The following EYA2 variants were observed in gnomAD, a reference collection of about 807,000 sequenced individuals.
EYA2 encodes the protein protein phosphatase EYA2.
EYA2 carries 31 observed loss-of-function variants against 69.2 expected under a neutral mutation model. The observed-to-expected ratio is 0.45, with a 90% CI of 0.34 to 0.60. The LOEUF (loss-of-function observed/expected upper bound fraction) is 0.60, where lower values mean the gene tolerates loss of function less well. EYA2 is among the 20% of genes least tolerant of loss of function. The pLI is 0.02. For synonymous variants in EYA2, 257 were observed against 279.4 expected, an observed-to-expected ratio of 0.92 and a Z score of 0.80; for missense variants, 622 against 701.2, an observed-to-expected ratio of 0.89 and a Z score of 1.28.
chr20:47,081,778 C>CA lies in EYA2; in HGVS notation c.662-7446dup, dbSNP rs199527518. On this transcript the variant is annotated intron_variant, in intron 7 of 15. Coordinates refer to ENST00000327619, the MANE Select transcript of EYA2 (RefSeq NM_005244.5). ...TGGGTGACAAAGCGAGACCTTGTCT[C>CA]AAAAAAAAAAAAAAAGAAGAAAGAA... Among the ~76,000 whole-genome samples, 769 of 110,096 alleles carry CA rather than the reference C, an allele frequency of 7.0e-3. 9 individuals are homozygous for CA. Among genetic ancestry groups the CA allele is most frequent in the African/African-American group, 0.019 (552 of 28,584 alleles). The allele number at this position is 110,096 out of a possible 152,430, so 72.2% of individuals were successfully genotyped here.
At chr20:47,033,341 GTC>G (rs1304816188) in intron 5 of EYA2, among the ~76,000 whole-genome samples, 1 of 152,202 alleles carries the variant, frequency 6.6e-6, no homozygotes, top group Non-Finnish European at 1.5e-5. Context: ...AGGCTATACA[GTC>G]TCTGTTGCAA....
rs143196351 is a variant in EYA2, at chr20:47,005,187, A to G, written c.298+103A>G. 2.6e-5 allele frequency: 35 copies of G among 1,349,002 alleles called. No homozygotes were observed. The African/African-American group carries it at 3.9e-4, about 15-fold the overall frequency. The allele number at this position is 1,349,002 out of a possible 1,614,324, so 83.6% of individuals were successfully genotyped here. ...AAATGTGGATTAATAGACACAACCA[A>G]GCTGATTTTGGATTAGAGATAAAGG... On this transcript the variant is annotated intron_variant, in intron 4 of 15. Coordinates refer to ENST00000327619, the MANE Select transcript of EYA2 (RefSeq NM_005244.5).
intron 10 of EYA2, among the ~76,000 whole-genome samples, chr20:47,155,703 T>G (rs1041222909): frequency 2.0e-5 from 3 of 151,764 alleles, no homozygotes; most frequent in Non-Finnish European, 2.9e-5. Context: ...ATTTTACAGA[T>G]GAGGAAACTG....
At chr20:47,151,946 G>C (rs1224248972) in intron 10 of EYA2, among the ~76,000 whole-genome samples, 1 of 151,904 alleles carries the variant, frequency 6.6e-6, no homozygotes, top group Non-Finnish European at 1.5e-5. Flanking sequence ...CTGCCTTCTG[G>C]AATTTCTAAC....
chr20:47,003,570 G>A (rs1418893014), intron 3 of EYA2, among the ~76,000 whole-genome samples: 3 of 152,228 alleles, frequency 2.0e-5, no homozygotes, highest in Admixed American at 6.5e-5. Flanking sequence ...GCATGTGTGT[G>A]TGTATCTGTG....
At chr20:47,006,569 C>G (rs1309774372) in intron 4 of EYA2, among the ~76,000 whole-genome samples, 3 of 152,228 alleles carry the variant, frequency 2.0e-5, no homozygotes, top group Admixed American at 6.5e-5. Context: ...CTGACTCTTA[C>G]ATTTCTTTCC....
chr20:46,937,873 C>G (rs903360982), intron 1 of EYA2, among the ~76,000 whole-genome samples: 14 of 152,092 alleles, frequency 9.2e-5, no homozygotes, highest in African/African-American at 3.4e-4. Context: ...TTTGCCAGGT[C>G]TGCGTGCCAG....
At chr20:47,026,457 G>A (rs548747062) in intron 5 of EYA2, among the ~76,000 whole-genome samples, 108 of 150,444 alleles carry the variant, frequency 7.2e-4, no homozygotes, top group African/African-American at 2.5e-3. Flanking sequence ...TTTTGGCACG[G>A]CAAAGAACAC....
intron 10 of EYA2, among the ~76,000 whole-genome samples, chr20:47,150,074 G>A (rs1236086985): frequency 6.6e-6 from 1 of 152,206 alleles, no homozygotes; most frequent in East Asian, 1.9e-4. Context: ...TAGTAAGAGG[G>A]AGGCAAAGAG....
chr20:46,937,685 A>G (rs1303587827), intron 1 of EYA2, among the ~76,000 whole-genome samples: 6 of 146,756 alleles, frequency 4.1e-5, no homozygotes, highest in Non-Finnish European at 6.0e-5. Flanking sequence ...TTTAAATCCA[A>G]CCTTTCAGGA....
intron 5 of EYA2, among the ~76,000 whole-genome samples, chr20:47,057,081 G>A (rs1600675524): frequency 1.7e-5 from 2 of 116,312 alleles, no homozygotes; most frequent in South Asian, 6.7e-4. Context: ...GGGAGGGAGG[G>A]AGGAAGGAAG....
intron 9 of EYA2, among the ~76,000 whole-genome samples, chr20:47,131,312 T>C (rs1313615567): frequency 1.3e-5 from 2 of 152,132 alleles, no homozygotes; most frequent in Non-Finnish European, 2.9e-5. Context: ...CTCTCAACTA[T>C]TACAACGAAC....
intron 5 of EYA2, among the ~76,000 whole-genome samples, chr20:47,016,910 A>G (rs1452802303): frequency 6.6e-6 from 1 of 152,216 alleles, no homozygotes; most frequent in Non-Finnish European, 1.5e-5. Flanking sequence ...TTTAAGTGTG[A>G]TGGGACAGGC....
intron 1 of EYA2, chr20:46,901,112 G>A (rs1026794592): frequency 5.3e-5 from 8 of 152,176 alleles, no homozygotes; most frequent in South Asian, 2.1e-4. Flanking sequence ...TCCTCAAGGC[G>A]TCCTTGTGGT....
intron 1 of EYA2, among the ~76,000 whole-genome samples, chr20:46,973,443 A>G (rs1980260872): frequency 6.6e-6 from 1 of 152,224 alleles, no homozygotes; most frequent in Non-Finnish European, 1.5e-5. Flanking sequence ...TTACAAAGGC[A>G]TGTTGAGACA....
rs1356028171 is a variant in EYA2 at position 47,063,374 on chromosome 20, TGTGTGTGTGTGCGTGTGC to T, written c.416-8799_416-8782del. On this transcript the variant is annotated intron_variant, in intron 5 of 15. Transcript: ENST00000327619. ...TGGCATAATGTTTTTTGGGTTTATT[TGTGTGTGTGTGCGTGTGC>T]GTGTGTGTGTGTGTGTGTGTGTGTG... Among the ~76,000 whole-genome samples the T allele has an allele frequency of 8.1e-3, 1,135 of 140,284 alleles. 15 individuals carry two copies. The highest frequency in any genetic ancestry group is 0.03 in the African/African-American group (1,083 of 35,966). The allele number at this position is 140,284 out of a possible 152,430, so 92.0% of individuals were successfully genotyped here. A position where few individuals can be genotyped will look rare whatever the true frequency, so the allele number is the denominator to read the frequency against.
chr20:46,986,604 A>G (rs1257535646), intron 1 of EYA2, among the ~76,000 whole-genome samples: 1 of 152,024 alleles, frequency 6.6e-6, no homozygotes, highest in Non-Finnish European at 1.5e-5. Flanking sequence ...TATTTGGCTC[A>G]CGGTTCTGCA....
intron 5 of EYA2, among the ~76,000 whole-genome samples, chr20:47,060,536 T>C (rs878636): frequency 0.4 from 60,779 of 152,228 alleles, 13,322 homozygotes; most frequent in African/African-American, 0.59. Context: ...ATGCAAGACT[T>C]AGTCTTCATC....
chr20:47,005,161 T>G, intron 4 of EYA2, 77 bp downstream of exon 4: 1 of 1,518,624 alleles, frequency 6.6e-7, no homozygotes, highest in Admixed American at 1.9e-5. Context: ...TTGTCTCAGC[T>G]AAATGTGGAT....
Sources: allele counts gnomAD v4.1 joint callset (sites outside exome capture counted in the v4.1 genomes callset), GRCh38; gene constraint gnomAD v4.1.1; transcripts MANE v1.5; gene names NCBI Gene and HGNC (gene_info 2026-07-23, HGNC 2026-07-21).